Variants in UBTF observed in about 807,000 individuals in gnomAD.
The protein encoded by UBTF is upstream binding transcription factor, also known as nucleolar transcription factor 1.
Under a neutral mutation model 112.3 loss-of-function variants are expected in UBTF, and 8 were observed. That is an observed-to-expected ratio of 0.07 (90% CI 0.04 to 0.13). The LOEUF is 0.13. UBTF is among the 10% of genes least tolerant of loss of function. The probability of loss-of-function intolerance (pLI) is 1.00; values close to 1 mark genes in which losing one functional copy is unlikely to be tolerated. For missense variants in UBTF, 457 were observed against 982.1 expected (o/e 0.47, Z 7.15); for synonymous variants, 417 against 373.1 (o/e 1.12, Z -1.36).
At chr17:44,215,486 G>GTC in intron 5 of UBTF, 168 bp downstream of exon 5, 1 of 782,548 alleles carries the variant, frequency 1.3e-6, no homozygotes, top group South Asian at 1.8e-5. Context: ...ACCATGTGTG[G>GTC]GCCGAGGAAG....
intron 2 of UBTF, among the ~76,000 whole-genome samples, chr17:44,217,600 A>C (rs941887755): frequency 9.9e-5 from 15 of 152,206 alleles, no homozygotes; most frequent in African/African-American, 3.1e-4. Flanking sequence ...AGAATGGGCC[A>C]CGTGGACCCA....
At position 44,211,073 on chromosome 17, in the gene UBTF, G is replaced by C. The variant is rs2056643915; in HGVS notation, c.1169C>G (p.Pro390Arg). The change falls in exon 12 of 21, where the codon CCC becomes CGC. Residue 390 changes from proline to arginine, a missense_variant. Around this residue, in one of 7 missense-constraint regions of UBTF, gnomAD observed 108 missense variants for 137.4 expected, o/e 0.79. Transcript: ENST00000436088. The surrounding 1 kb of genome is among the most constrained non-coding windows in gnomAD (Gnocchi z 4.9). ...LNINKKQATSPASKKPAQEGG... is the reference protein window; with the variant it reads ...LNINKKQATSRASKKPAQEGG... ...TTCCTGGGCTGGCTTCTTGGAGGCG[G>C]GGCTGGTGGCCTGCTTCTTGTTGAT... 1 of 1,612,744 alleles carries C rather than the reference G, an allele frequency of 6.2e-7. No individual in the cohort carries two copies.
chr17:44,220,102 G>T (rs2047106230), upstream of UBTF, among the ~76,000 whole-genome samples: 2 of 142,536 alleles, frequency 1.4e-5, no homozygotes, highest in Admixed American at 1.4e-4. Flanking sequence ...GGGGGCCGGG[G>T]CAGGGAGACA....
chr17:44,214,059 C>T (rs1261764406), intron 5 of UBTF, among the ~76,000 whole-genome samples: 1 of 152,126 alleles, frequency 6.6e-6, no homozygotes, highest in African/African-American at 2.4e-5. Flanking sequence ...TCCTCCTTTC[C>T]AATGTGTCTC....
At position 44,207,097 on chromosome 17, in the gene UBTF, C is replaced by G. The variant is rs1388738411; in HGVS notation, c.*145G>C. On this transcript the variant is annotated 3_prime_UTR_variant, in exon 21 of 21. Coordinates refer to ENST00000436088, the MANE Select transcript of UBTF (RefSeq NM_014233.4). Reference sequence around the variant, plus strand: ...GGCTCCTCCAGCCCCCTACCCCCACCGTATTTTTTTTTTTTTTTAAAGAAA... The same window carrying G: ...GGCTCCTCCAGCCCCCTACCCCCACGGTATTTTTTTTTTTTTTTAAAGAAA... The G allele has an allele frequency of 3.5e-6, 3 of 864,288 alleles. No individual in the cohort carries two copies. The highest frequency in any genetic ancestry group is 3.4e-5 in the African/African-American group (2 of 58,342). The allele number at this position is 864,288 out of a possible 1,614,324, so 53.5% of individuals were successfully genotyped here.
intron 17 of UBTF, 134 bp downstream of exon 17, chr17:44,209,218 G>T (rs1298001601): frequency 1.9e-5 from 17 of 889,480 alleles, no homozygotes; most frequent in Non-Finnish European, 2.6e-5. Flanking sequence ...CCGTTATCCT[G>T]AAGGATTGCG....
In UBTF at chr17:44,207,989, G is replaced by A. The variant is rs1479132900; in HGVS notation, c.1906-78C>T. 3.8e-6 allele frequency: 6 copies of A among 1,572,766 alleles called. No homozygotes were observed. In the Admixed American group the frequency reaches 6.7e-5, roughly 18 times the overall value. Reference sequence around the variant, plus strand: ...GAGCATGCTGGCCCAGTGCTAGGCAGTGGGCTGAGCATTTATATATCATCA... The same window carrying A: ...GAGCATGCTGGCCCAGTGCTAGGCAATGGGCTGAGCATTTATATATCATCA... On this transcript the variant is annotated intron_variant, in intron 17 of 20. Coordinates refer to ENST00000436088, the MANE Select transcript of UBTF (RefSeq NM_014233.4).
chr17:44,207,966 G>GA, intron 17 of UBTF, 55 bp from the exon 18 acceptor site: 13 of 1,610,918 alleles, frequency 8.1e-6, no homozygotes, highest in Non-Finnish European at 1.1e-5. Flanking sequence ...TGCTGACTGA[G>GA]CATGCTGGCC....
intron 8 of UBTF, 99 bp from the exon 9 acceptor site, chr17:44,212,105 G>T: frequency 1.5e-6 from 2 of 1,305,404 alleles, no homozygotes; most frequent in Non-Finnish European, 2.1e-6. Context: ...AGGGAGCAAA[G>T]CTGGGGGTGG....
rs765021196 is a variant in UBTF at position 44,207,334 on chromosome 17, C to T, written c.2203G>A (p.Glu735Lys). The T allele has an allele frequency of 3.1e-6, 5 of 1,611,192 alleles. No individual in the cohort carries two copies. Among genetic ancestry groups the T allele is most frequent in the Non-Finnish European group, 4.2e-6 (5 of 1,178,820 alleles). ...TTATCTTCATCCTCATCGTCATCCT[C>T]GTCGTCGTCTTCGTCCTCGTCATCC... Reference protein sequence around the residue: ...EEDDEDEDDDEDDDEDEDNES... With the variant: ...EEDDEDEDDDKDDDEDEDNES... Residue 735 changes from glutamate (E) to lysine (K), a missense_variant, in exon 21 of 21, where the codon GAG becomes AAG. Glu to Lys is a moderately conservative substitution (Grantham distance 56). Coordinates refer to ENST00000436088, the MANE Select transcript of UBTF (RefSeq NM_014233.4).
Position 44,211,550 on chromosome 17 carries a change from G to A in UBTF, c.1047+56C>T. On this transcript the variant is annotated intron_variant, in intron 10 of 20. Coordinates refer to ENST00000436088, the MANE Select transcript of UBTF (RefSeq NM_014233.4). This position sits in a 1 kb window ranked among gnomAD's most constrained non-coding sequence, Gnocchi z 4.9. ...ACCAGGGACTGACTGGCCCAAGATG[G>A]GATCAGACCTCATGCTTCAAAACCC... The A allele has an allele frequency of 1.3e-6, 2 of 1,580,280 alleles. No individual in the cohort carries two copies. The highest frequency in any genetic ancestry group is 1.7e-6 in the Non-Finnish European group (2 of 1,163,588).
At chr17:44,210,580 G>A in intron 13 of UBTF, 107 bp from the exon 14 acceptor site, 1 of 1,422,322 alleles carries the variant, frequency 7.0e-7, no homozygotes, top group Non-Finnish European at 9.2e-7. Flanking sequence ...ATGGGCTGGT[G>A]CAGATGTCTC....
chr17:44,208,549 G>C (rs2056430679), intron 17 of UBTF: 1 of 154,220 alleles, frequency 6.5e-6, no homozygotes, highest in Non-Finnish European at 1.4e-5. Flanking sequence ...CCCGTGATGA[G>C]TCAGCCTGGC....
Position 44,219,448 on chromosome 17 carries a change from G to C in UBTF, c.-71C>G, listed in dbSNP as rs1386242376. On this transcript the variant is annotated 5_prime_UTR_variant, in exon 1 of 21. Transcript: ENST00000436088. Reference sequence around the variant, plus strand: ...CGTCCTCAGCCGCCTCGGTTACCCGGCGCAGCGCGGCCTCCGGGCTTCCCG... The same window carrying C: ...CGTCCTCAGCCGCCTCGGTTACCCGCCGCAGCGCGGCCTCCGGGCTTCCCG... The C allele has an allele frequency of 3.3e-5, 5 of 152,130 alleles. No individual in the cohort carries two copies. Among genetic ancestry groups the C allele is most frequent in the Non-Finnish European group, 5.9e-5 (4 of 67,960 alleles). 9.4% of individuals were successfully genotyped at this position (152,130 alleles called of 1,614,324 possible). A position where few individuals can be genotyped will look rare whatever the true frequency, so the allele number is the denominator to read the frequency against.
chr17:44,210,642 C>G (rs1346150433), intron 13 of UBTF, 150 bp downstream of exon 13: 4 of 1,381,672 alleles, frequency 2.9e-6, no homozygotes, highest in Non-Finnish European at 3.8e-6. Context: ...GACAGCTTCC[C>G]GCCTTCCGGC....
intron 15 of UBTF, 35 bp from the exon 16 acceptor site, chr17:44,209,768 C>T (rs776108579): frequency 2.5e-6 from 4 of 1,602,864 alleles, no homozygotes; most frequent in Non-Finnish European, 2.6e-6. Context: ...CCCCCCAGTC[C>T]CACCCCCAAA....
At chr17:44,218,340 G>T in intron 1 of UBTF, 44 bp from the exon 2 acceptor site, 2 of 1,234,134 alleles carry the variant, frequency 1.6e-6, no homozygotes, top group South Asian at 1.2e-5. Flanking sequence ...GCTGAGAGGT[G>T]AACGACTAAC....
intron 7 of UBTF, 64 bp from the exon 8 acceptor site, chr17:44,212,518 A>C (rs1259353360): frequency 4.9e-6 from 3 of 612,556 alleles, no homozygotes. Flanking sequence ...GGGAAGGGGG[A>C]AGGGGGCACA....
At chr17:44,209,807 A>G (rs1490617581) in intron 15 of UBTF, 74 bp from the exon 16 acceptor site, 8 of 1,482,340 alleles carry the variant, frequency 5.4e-6, no homozygotes, top group Non-Finnish European at 7.4e-6. Flanking sequence ...TCATGCCATC[A>G]GCACCTTAGC....
Sources: allele counts gnomAD v4.1 joint callset (sites outside exome capture counted in the v4.1 genomes callset), GRCh38; gene constraint gnomAD v4.1.1; regional missense constraint gnomAD v4.1.1; non-coding constraint Gnocchi (gnomAD v3.1); transcripts MANE v1.5; gene names NCBI Gene and HGNC (gene_info 2026-07-23, HGNC 2026-07-21).